The following CSMD1 variants were observed in gnomAD, a reference collection of about 807,000 sequenced individuals.
CSMD1 encodes the protein CUB and Sushi multiple domains 1, also known as CUB and sushi domain-containing protein 1.
CSMD1 carries 213 observed loss-of-function variants against 417.5 expected under a neutral mutation model. That is an observed-to-expected ratio of 0.51 (90% CI 0.46 to 0.57). CSMD1 has a LOEUF of 0.57. CSMD1 is among the 20% of genes least tolerant of loss of function. The pLI, the probability that CSMD1 is intolerant of heterozygous loss-of-function variation, is 0.00. For synonymous variants in CSMD1, 2,862 were observed against 1,736.8 expected (o/e 1.65, Z -16.11); for missense variants, 6,923 against 4,529.7 (o/e 1.53, Z -15.17).
intron 37 of CSMD1, among the ~76,000 whole-genome samples, chr8:3,170,037 C>A (rs944061705): frequency 6.6e-6 from 1 of 152,216 alleles, no homozygotes; most frequent in Non-Finnish European, 1.5e-5. Flanking sequence ...GGAAAGGACA[C>A]AAGTGCAGGA....
chr8:2,968,285 G>C (rs930428809), intron 57 of CSMD1, among the ~76,000 whole-genome samples: 1 of 152,228 alleles, frequency 6.6e-6, no homozygotes, highest in African/African-American at 2.4e-5. Flanking sequence ...AAGGGAGTGA[G>C]TTTGGTCCAA....
chr8:4,925,740 G>A (rs1468724309), intron 1 of CSMD1, among the ~76,000 whole-genome samples: 2 of 152,044 alleles, frequency 1.3e-5, no homozygotes, highest in East Asian at 2.0e-4. Context: ...GTAGAGACGG[G>A]GTTTCACCGT....
intron 2 of CSMD1, among the ~76,000 whole-genome samples, chr8:4,635,450 C>G (rs1255955117): frequency 6.6e-6 from 1 of 151,832 alleles, no homozygotes; most frequent in Non-Finnish European, 1.5e-5. Flanking sequence ...GAAAGACATA[C>G]CTGTCAGTCA....
At chr8:4,273,942 T>C (rs191186551) in intron 3 of CSMD1, among the ~76,000 whole-genome samples, 4 of 152,302 alleles carry the variant, frequency 2.6e-5, no homozygotes, top group Admixed American at 6.5e-5. Flanking sequence ...ATGGAGGCTG[T>C]TGAAGTGTCC....
chr8:3,886,555 G>C (rs557087664), intron 5 of CSMD1, among the ~76,000 whole-genome samples: 1 of 152,306 alleles, frequency 6.6e-6, no homozygotes, highest in East Asian at 1.9e-4. Context: ...CTTTAATGAC[G>C]AAGCGTGGCT....
At chr8:3,083,732 T>C (rs973062794) in intron 49 of CSMD1, among the ~76,000 whole-genome samples, 20 of 139,510 alleles carry the variant, frequency 1.4e-4, no homozygotes, top group Admixed American at 6.8e-4. Context: ...CTCGGCTCAC[T>C]GCAGCCTCTG....
intron 5 of CSMD1, among the ~76,000 whole-genome samples, chr8:3,944,203 TA>T (rs1306560318): frequency 2.6e-5 from 4 of 152,226 alleles, no homozygotes; most frequent in Middle Eastern, 3.4e-3. Context: ...GGTTTGAAAA[TA>T]AAAAGTTAAG....
chr8:4,371,106 T>C (rs755701936), intron 3 of CSMD1, among the ~76,000 whole-genome samples: 1 of 152,232 alleles, frequency 6.6e-6, no homozygotes, highest in Non-Finnish European at 1.5e-5. Flanking sequence ...TTTGTTTTTA[T>C]GGTCTTTATT....
At chr8:4,597,755 G>T (rs982318589) in intron 2 of CSMD1, among the ~76,000 whole-genome samples, 2 of 152,030 alleles carry the variant, frequency 1.3e-5, no homozygotes, top group African/African-American at 2.4e-5. Context: ...TTCTACTTCA[G>T]TTTAAAAAGT....
At chr8:4,891,461 A>G (rs1346220976) in intron 1 of CSMD1, among the ~76,000 whole-genome samples, 3 of 152,148 alleles carry the variant, frequency 2.0e-5, no homozygotes, top group Non-Finnish European at 4.4e-5. Context: ...TTAAGTTTAC[A>G]ATGTTTTTCT....
chr8:3,323,730 C>T (rs555428319), intron 23 of CSMD1, among the ~76,000 whole-genome samples: 5 of 150,946 alleles, frequency 3.3e-5, no homozygotes, highest in Non-Finnish European at 7.4e-5. Flanking sequence ...ACCCCAGAGA[C>T]CCAGGAGGGA....
intron 40 of CSMD1, among the ~76,000 whole-genome samples, chr8:3,149,435 C>T (rs1018615523): frequency 7.2e-5 from 11 of 152,112 alleles, no homozygotes; most frequent in East Asian, 1.9e-4. Context: ...TTGTTTATCA[C>T]GTGCCAAACC....
chr8:4,926,757 C>A (rs1806898317), intron 1 of CSMD1, among the ~76,000 whole-genome samples: 1 of 152,052 alleles, frequency 6.6e-6, no homozygotes, highest in Non-Finnish European at 1.5e-5. Context: ...ATTTTAAATT[C>A]ACCAATGCTT....
Position 4,842,263 on chromosome 8 carries a change from T to C in CSMD1, c.85+152069A>G, listed in dbSNP as rs568598669. Among the ~76,000 whole-genome samples the C allele has an allele frequency of 5.9e-5, 9 of 152,360 alleles. 1 individual carries two copies. The South Asian group carries it at 1.9e-3, about 32-fold the overall frequency. On this transcript the variant is annotated intron_variant, in intron 1 of 69. Coordinates refer to ENST00000635120, the MANE Select transcript of CSMD1 (RefSeq NM_033225.6). ...AAGTCAAAGCTTATTTTCATATAAA[T>C]ATGAATCTTCCAGATGCATTGAATT...
chr8:4,159,088 G>C (rs1006155331), intron 3 of CSMD1, among the ~76,000 whole-genome samples: 2 of 151,926 alleles, frequency 1.3e-5, no homozygotes, highest in Non-Finnish European at 2.9e-5. Context: ...GCTAATTTTT[G>C]TATTTTTAGT....
chr8:3,274,418 G>C (rs1468162121), intron 26 of CSMD1, among the ~76,000 whole-genome samples: 1 of 152,128 alleles, frequency 6.6e-6, no homozygotes, highest in Non-Finnish European at 1.5e-5. Flanking sequence ...ATTTGGGGTG[G>C]AGAGTTCTGT....
At chr8:3,481,734 G>A (rs1234950111) in intron 11 of CSMD1, among the ~76,000 whole-genome samples, 2 of 152,302 alleles carry the variant, frequency 1.3e-5, no homozygotes, top group South Asian at 2.1e-4. Context: ...CAGAGAGTGG[G>A]TTGATGTGGC....
At chr8:4,871,199 A>T (rs1413788056) in intron 1 of CSMD1, among the ~76,000 whole-genome samples, 1 of 152,096 alleles carries the variant, frequency 6.6e-6, no homozygotes, top group Non-Finnish European at 1.5e-5. Context: ...TTTCCATAGG[A>T]TTTTGTTCTA....
Position 3,151,448 on chromosome 8 carries a change from A to G in CSMD1, c.5980T>C (p.Tyr1994His). 6.2e-7 allele frequency: 1 copy of G among 1,613,890 alleles called. No homozygotes were observed. The highest frequency in any genetic ancestry group is 8.5e-7 in the Non-Finnish European group (1 of 1,179,894). ...VILSPGFPGS[Y>H]PNNLDCTWRI... is the part of the protein sequence containing the mutation. ...CAGGTGCAGTCTAAGTTGTTGGGGTAAGAACCTGGGAAGCCGGGGCTCAGG... is the reference window on the plus strand; with the variant it reads ...CAGGTGCAGTCTAAGTTGTTGGGGTGAGAACCTGGGAAGCCGGGGCTCAGG... The change falls in exon 40 of 70, where the codon TAC (tyrosine) becomes CAC (histidine). Residue 1994 changes from tyrosine (Y) to histidine (H), a missense_variant. By Grantham distance (83) the Tyr-to-His change is moderately conservative. Coordinates refer to ENST00000635120, the MANE Select transcript of CSMD1 (RefSeq NM_033225.6).
Sources: gnomAD v4.1 joint callset for allele counts (sites outside exome capture counted in the v4.1 genomes callset) on GRCh38, gnomAD v4.1.1 for gene constraint, MANE v1.5 for transcripts, NCBI Gene and HGNC (gene_info 2026-07-23, HGNC 2026-07-21) for gene names.